SBF2: variants seen among roughly 807,000 people sequenced by gnomAD.
SBF2 encodes myotubularin-related protein 13.
Under a neutral mutation model 225.2 loss-of-function variants are expected in SBF2, and 112 were observed. The ratio of observed to expected loss-of-function variants is 0.50; its 90% confidence interval spans 0.43 to 0.58. SBF2 has a LOEUF of 0.58. Among genes scored for constraint, SBF2 ranks in the 20% least tolerant of loss-of-function variants. SBF2 has a pLI of 0.00. For synonymous variants in SBF2, 763 were observed against 773.3 expected, an observed-to-expected ratio of 0.99 and a Z score of 0.22; for missense variants, 1,996 against 2,206.2, an observed-to-expected ratio of 0.90 and a Z score of 1.91.
chr11:10,175,143 T>A (rs1956397478), intron 2 of SBF2, among the ~76,000 whole-genome samples: 2 of 148,442 alleles, frequency 1.3e-5, no homozygotes, highest in South Asian at 2.1e-4. Flanking sequence ...AATGACAGGA[T>A]CAAATTCACA....
chr11:9,881,863 C>T (rs971556467), intron 17 of SBF2, among the ~76,000 whole-genome samples: 7 of 152,092 alleles, frequency 4.6e-5, no homozygotes, highest in African/African-American at 1.4e-4. Flanking sequence ...TGGTGCACAC[C>T]TGTGGTCCCA....
At chr11:9,782,783 T>C (rs1301535421) in intron 38 of SBF2, among the ~76,000 whole-genome samples, 1 of 149,488 alleles carries the variant, frequency 6.7e-6, no homozygotes, top group Non-Finnish European at 1.5e-5. Context: ...AGCCAGAGAA[T>C]GGCGAGAACC....
chr11:10,251,674 C>A (rs1960366560), intron 1 of SBF2, among the ~76,000 whole-genome samples: 1 of 152,178 alleles, frequency 6.6e-6, no homozygotes, highest in Admixed American at 6.5e-5. Context: ...TCCCAATAGT[C>A]ATGATAATAG....
rs556830937 is a variant in SBF2 at position 10,172,852 on chromosome 11, G to C, written c.141+21050C>G. Among the ~76,000 whole-genome samples, 242 of 152,164 alleles carry C rather than the reference G, an allele frequency of 1.6e-3. 3 individuals are homozygous for C. Among genetic ancestry groups the C allele is most frequent in the African/African-American group, 5.5e-3 (227 of 41,514 alleles). On this transcript the variant is annotated intron_variant, in intron 2 of 39. Transcript: ENST00000256190. ...TGGCTAATTTTTATATTTTTTAGTA[G>C]AGACAGGGTTTTGCCATGCTGGCCA...
chr11:9,786,655 C>T (rs1852391316), intron 36 of SBF2, among the ~76,000 whole-genome samples: 1 of 152,116 alleles, frequency 6.6e-6, no homozygotes, highest in Non-Finnish European at 1.5e-5. Flanking sequence ...GCATTTGGAG[C>T]CAGTCTGATG....
At chr11:10,259,358 C>T (rs1400419767) in intron 1 of SBF2, among the ~76,000 whole-genome samples, 1 of 152,182 alleles carries the variant, frequency 6.6e-6, no homozygotes, top group African/African-American at 2.4e-5. Flanking sequence ...ATTAAATGAG[C>T]TGTCTGTAAA....
chr11:10,014,119 C>G (rs1329966351), intron 6 of SBF2, among the ~76,000 whole-genome samples: 2 of 152,086 alleles, frequency 1.3e-5, no homozygotes, highest in African/African-American at 4.8e-5. Context: ...TCCTAAGAGT[C>G]CTGGTTCTCT....
chr11:10,175,011 GC>G (rs1239688249), intron 2 of SBF2, among the ~76,000 whole-genome samples: 1 of 151,896 alleles, frequency 6.6e-6, no homozygotes, highest in East Asian at 1.9e-4. Context: ...CCTGAAGGAA[GC>G]GCTAAACATG....
intron 1 of SBF2, among the ~76,000 whole-genome samples, chr11:10,221,211 G>A (rs894238940): frequency 2.6e-5 from 4 of 151,294 alleles, no homozygotes; most frequent in Admixed American, 6.6e-5. Flanking sequence ...TCTGTCTCCC[G>A]GGTTCAAGTG....
At chr11:10,122,278 A>G (rs1184888372) in intron 2 of SBF2, among the ~76,000 whole-genome samples, 2 of 152,204 alleles carry the variant, frequency 1.3e-5, no homozygotes, top group Non-Finnish European at 2.9e-5. Flanking sequence ...GTTAAGATGA[A>G]AAAGGCATTA....
At chr11:10,115,467 A>G (rs185845877) in intron 2 of SBF2, among the ~76,000 whole-genome samples, 1 of 152,354 alleles carries the variant, frequency 6.6e-6, no homozygotes, top group Admixed American at 6.5e-5. Context: ...TTGAGACATG[A>G]AGATCTGAGA....
At chr11:10,179,474 G>A (rs926331911) in intron 2 of SBF2, among the ~76,000 whole-genome samples, 11 of 152,056 alleles carry the variant, frequency 7.2e-5, no homozygotes, top group African/African-American at 2.2e-4. Context: ...TGATCCATGT[G>A]CTGAGGAGAA....
chr11:10,042,830 A>G lies in SBF2; in HGVS notation c.279+14T>C, dbSNP rs755618349. ...TACCTTCGACTGTACTTTAGCTAGT[A>G]AAGGTTTTTGTACCTGAAGATTGAT... On this transcript the variant is annotated intron_variant, in intron 3 of 39. Coordinates refer to ENST00000256190, the MANE Select transcript of SBF2 (RefSeq NM_030962.4). 5 of 1,613,456 alleles carry G rather than the reference A, an allele frequency of 3.1e-6. No homozygotes were observed. The highest frequency in any genetic ancestry group is 4.2e-6 in the Non-Finnish European group (5 of 1,179,578).
At chr11:9,959,733 C>T in intron 16 of SBF2, 1 of 684,824 alleles carries the variant, frequency 1.5e-6, no homozygotes, top group Non-Finnish European at 2.8e-6. Context: ...GAGGTAGGGA[C>T]ATGTACACCT....
At chr11:10,290,510 T>A (rs946723175) in intron 1 of SBF2, among the ~76,000 whole-genome samples, 3 of 151,948 alleles carry the variant, frequency 2.0e-5, no homozygotes, top group African/African-American at 7.3e-5. Flanking sequence ...GGAAGCATGC[T>A]GGTATGGACT....
intron 17 of SBF2, among the ~76,000 whole-genome samples, chr11:9,886,895 G>A (rs1378481961): frequency 6.6e-6 from 1 of 152,064 alleles, no homozygotes; most frequent in Non-Finnish European, 1.5e-5. Context: ...GAATACACAT[G>A]CTATAATTTG....
intron 2 of SBF2, among the ~76,000 whole-genome samples, chr11:10,101,569 T>C (rs1365183710): frequency 6.6e-6 from 1 of 151,738 alleles, no homozygotes; most frequent in African/African-American, 2.4e-5. Context: ...GAAGCTGCAG[T>C]GAAATGGAAC....
intron 1 of SBF2, among the ~76,000 whole-genome samples, chr11:10,250,496 T>C (rs1001854935): frequency 1.3e-5 from 2 of 152,206 alleles, no homozygotes; most frequent in Non-Finnish European, 2.9e-5. Context: ...ACTTATAAAT[T>C]GTGAAAATTA....
chr11:10,253,022 T>C (rs1202100407), intron 1 of SBF2, among the ~76,000 whole-genome samples: 1 of 147,332 alleles, frequency 6.8e-6, no homozygotes, highest in Non-Finnish European at 1.5e-5. Flanking sequence ...TGTTCATTGC[T>C]CAATTAAACT....
Sources: gnomAD v4.1 joint callset for allele counts (sites outside exome capture counted in the v4.1 genomes callset) on GRCh38, gnomAD v4.1.1 for gene constraint, MANE v1.5 for transcripts, NCBI Gene and HGNC (gene_info 2026-07-23, HGNC 2026-07-21) for gene names.